The following ECI2 variants were observed in gnomAD, a reference collection of about 807,000 sequenced individuals.
ECI2 encodes D3,D2-enoyl-CoA isomerase.
In ECI2, 27 loss-of-function variants were observed where a neutral mutation model predicts 38.4. The ratio of observed to expected loss-of-function variants is 0.70; its 90% CI spans 0.52 to 0.97. The LOEUF (loss-of-function observed/expected upper bound fraction) is 0.97. Ranked by LOEUF, ECI2 falls within the 50% of genes least tolerant of loss-of-function variation. ECI2 has a pLI of 0.00. For missense variants in ECI2, 470 were observed against 474.4 expected, an observed-to-expected ratio of 0.99 and a Z score of 0.09; for synonymous variants, 168 against 172.0, an observed-to-expected ratio of 0.98 and a Z score of 0.18.
chr6:4,119,318 GATT>G, intron 7 of ECI2, 43 bp from the exon 8 acceptor site: 1 of 1,376,434 alleles, frequency 7.3e-7, no homozygotes, highest in Non-Finnish European at 9.8e-7. Flanking sequence ...TTTCATGTGT[GATT>G]TTTTTTTTTT....
intron 9 of ECI2, among the ~76,000 whole-genome samples, 174 bp downstream of exon 9, chr6:4,117,134 C>A (rs1187288734): frequency 6.6e-6 from 1 of 152,208 alleles, no homozygotes; most frequent in African/African-American, 2.4e-5. Context: ...TTGTAAAAAT[C>A]AGTACTGCAT....
chr6:4,117,115 T>A (rs1772332485), intron 9 of ECI2, among the ~76,000 whole-genome samples, 193 bp downstream of exon 9: 2 of 152,244 alleles, frequency 1.3e-5, no homozygotes, highest in South Asian at 2.1e-4. Flanking sequence ...AAGGTCTATT[T>A]GATAAGTTTT....
intron 7 of ECI2, among the ~76,000 whole-genome samples, chr6:4,120,441 G>C (rs1772640959): frequency 6.6e-6 from 1 of 152,022 alleles, no homozygotes; most frequent in Non-Finnish European, 1.5e-5. Flanking sequence ...ACATAGAAAA[G>C]GTAGGCCGGG....
intron 5 of ECI2, among the ~76,000 whole-genome samples, chr6:4,126,699 T>C (rs566358027): frequency 1.3e-5 from 2 of 152,246 alleles, no homozygotes; most frequent in East Asian, 3.9e-4. Flanking sequence ...CAGGGGGAAG[T>C]CGGTGCAGGA....
rs60021039 is a variant in ECI2, at chr6:4,129,767, T to G, written c.501+605A>C. Among the ~76,000 whole-genome samples, 953 of 152,284 alleles carry G rather than the reference T, an allele frequency of 6.3e-3. 14 individuals carry two copies. The highest frequency in any genetic ancestry group is 0.022 in the African/African-American group (909 of 41,562). On this transcript the variant is annotated intron_variant, in intron 4 of 9. Transcript: ENST00000380118. ...TATTGACCCAATGGTCATAGTCCTC[T>G]GAAATTTTAGTCCCAGTTGAGCACC...
intron 2 of ECI2, among the ~76,000 whole-genome samples, chr6:4,133,076 T>C (rs1217731911): frequency 6.6e-6 from 1 of 152,150 alleles, no homozygotes; most frequent in Non-Finnish European, 1.5e-5. Context: ...ATCTATCCTT[T>C]TCTTTTTGTG....
chr6:4,127,906 T>G, intron 4 of ECI2, 75 bp from the exon 5 acceptor site: 1 of 1,431,804 alleles, frequency 7.0e-7, no homozygotes, highest in Non-Finnish European at 9.6e-7. Flanking sequence ...TCAACAAATG[T>G]CAGGCTGCAA....
intron 3 of ECI2, 87 bp from the exon 4 acceptor site, chr6:4,130,647 C>A (rs1393363800): frequency 6.2e-7 from 1 of 1,605,826 alleles, no homozygotes; most frequent in Non-Finnish European, 8.5e-7. Flanking sequence ...TAACACCTTG[C>A]AATGAAGAAA....
At chr6:4,126,532 C>G (rs2113992338) in intron 5 of ECI2, among the ~76,000 whole-genome samples, 1 of 152,204 alleles carries the variant, frequency 6.6e-6, no homozygotes, top group East Asian at 1.9e-4. Context: ...AAGGAAGCGA[C>G]AACTGAATTG....
chr6:4,129,515 G>C (rs1426724382), intron 4 of ECI2, among the ~76,000 whole-genome samples: 4 of 152,136 alleles, frequency 2.6e-5, no homozygotes, highest in African/African-American at 4.8e-5. Context: ...ATAACAGTAG[G>C]CTCCCTGTGA....
In ECI2 at chr6:4,127,793, G is replaced by C; in HGVS notation, c.540C>G (p.Ser180Arg). 1 of 1,613,332 alleles carries C rather than the reference G, an allele frequency of 6.2e-7. No homozygotes were observed. Among genetic ancestry groups the C allele is most frequent in the South Asian group, 1.1e-5 (1 of 90,942 alleles). ...HEIMRALKAA[S>R]KDDSIITVLT... Reference sequence around the variant, plus strand: ...AAACAGTGATGATTGAGTCATCCTTGCTGGCAGCTTTAAGTGCACGCATAA... The same window carrying C: ...AAACAGTGATGATTGAGTCATCCTTCCTGGCAGCTTTAAGTGCACGCATAA... The change falls in exon 5 of 10, where the codon AGC becomes AGG. Residue 180 changes from serine to arginine, a missense_variant. Ser to Arg is a moderately radical substitution (Grantham distance 110, BLOSUM62 -1). Transcript: ENST00000380118.
chr6:4,122,640 C>T (rs1226800425), intron 7 of ECI2, among the ~76,000 whole-genome samples: 2 of 152,016 alleles, frequency 1.3e-5, no homozygotes, highest in African/African-American at 4.8e-5. Flanking sequence ...GGACTACAGG[C>T]GCCTGCCACC....
chr6:4,127,666 G>A, intron 5 of ECI2, 96 bp downstream of exon 5: 4 of 1,271,878 alleles, frequency 3.1e-6, no homozygotes, highest in Non-Finnish European at 3.3e-6. Flanking sequence ...ACCTGCCTCG[G>A]CCTCCAGGTC....
At chr6:4,130,204 G>A (rs1450949360) in intron 4 of ECI2, 168 bp downstream of exon 4, 2 of 1,613,708 alleles carry the variant, frequency 1.2e-6, no homozygotes, top group East Asian at 2.2e-5. Flanking sequence ...TCTAAACAAT[G>A]AATGCTCAAC....
chr6:4,135,003 G>A (rs1581999516), intron 1 of ECI2: 11 of 397,810 alleles, frequency 2.8e-5, no homozygotes, highest in South Asian at 1.8e-4. Context: ...CCAGGGAGGT[G>A]CAGCGTGCTT....
intron 4 of ECI2, 27 bp downstream of exon 4, chr6:4,130,345 A>G (rs940692696): frequency 6.2e-7 from 1 of 1,614,034 alleles, no homozygotes; most frequent in Non-Finnish European, 8.5e-7. Flanking sequence ...GTAAAACAGG[A>G]CAAACTCCGT....
At position 4,130,050 on chromosome 6, in the gene ECI2, G is replaced by A. The variant is rs748866292; in HGVS notation, c.501+322C>T. ...AAGTGACATGAAGATACTTCTGGGA[G>A]CAGTCTACACCAACCTTAGATGGCT... On this transcript the variant is annotated intron_variant, in intron 4 of 9. Transcript: ENST00000380118. 98 of 1,463,410 alleles carry A rather than the reference G, an allele frequency of 6.7e-5. 1 individual carries two copies. The highest frequency in any genetic ancestry group is 6.6e-5 in the Non-Finnish European group (69 of 1,051,570). 90.7% of individuals were successfully genotyped at this position (1,463,410 alleles called of 1,614,324 possible).
At chr6:4,119,318 GAT>G in intron 7 of ECI2, 43 bp from the exon 8 acceptor site, 4 of 1,376,432 alleles carry the variant, frequency 2.9e-6, no homozygotes, top group East Asian at 2.4e-5. Flanking sequence ...TTTCATGTGT[GAT>G]TTTTTTTTTT....
intron 7 of ECI2, among the ~76,000 whole-genome samples, chr6:4,124,418 A>G (rs889529147): frequency 6.6e-6 from 1 of 152,180 alleles, no homozygotes; most frequent in Non-Finnish European, 1.5e-5. Flanking sequence ...TAAAAACCAT[A>G]TGCTCCCTAG....
Sources: gnomAD v4.1 joint callset for allele counts (sites outside exome capture counted in the v4.1 genomes callset) on GRCh38, gnomAD v4.1.1 for gene constraint, MANE v1.5 for transcripts, NCBI Gene and HGNC (gene_info 2026-07-23, HGNC 2026-07-21) for gene names.